The following EPM2A variants were observed in gnomAD, a reference collection of about 807,000 sequenced individuals.
The protein encoded by EPM2A is EPM2A glucan phosphatase, laforin.
Under a neutral mutation model 26.5 loss-of-function variants are expected in EPM2A, and 21 were observed. The ratio of observed to expected loss-of-function variants is 0.79; its 90% confidence interval spans 0.56 to 1.14. The LOEUF is 1.14. EPM2A is among the 50% of genes most tolerant of loss of function. The pLI is 0.00. For missense variants in EPM2A, 458 were observed against 440.8 expected, an observed-to-expected ratio of 1.04 and a Z score of -0.35; for synonymous variants, 217 against 177.6, an observed-to-expected ratio of 1.22 and a Z score of -1.76.
intron 2 of EPM2A, among the ~76,000 whole-genome samples, chr6:145,527,218 T>A (rs1388204643): frequency 1.3e-5 from 2 of 152,142 alleles, no homozygotes; most frequent in Non-Finnish European, 2.9e-5. Context: ...ATGTGGTCAA[T>A]CTTAGAGTAC....
chr6:145,565,646 A>G (rs1780875182), intron 2 of EPM2A, among the ~76,000 whole-genome samples: 1 of 152,176 alleles, frequency 6.6e-6, no homozygotes, highest in South Asian at 2.1e-4. Context: ...CCCAGAAAGG[A>G]AAGTCCTGAG....
At chr6:145,640,427 C>T (rs1475199063) in intron 2 of EPM2A, 1 of 152,098 alleles carries the variant, frequency 6.6e-6, no homozygotes, top group South Asian at 2.1e-4. Flanking sequence ...ATAATGGAAC[C>T]AGCTTTTGTT....
chr6:145,560,931 T>C (rs1053452061), intron 2 of EPM2A, among the ~76,000 whole-genome samples: 2 of 152,154 alleles, frequency 1.3e-5, no homozygotes, highest in South Asian at 4.1e-4. Flanking sequence ...AAAATGTTTC[T>C]ATTGTTACCA....
chr6:145,546,681 C>T (rs913755015), intron 2 of EPM2A, among the ~76,000 whole-genome samples: 1 of 152,110 alleles, frequency 6.6e-6, no homozygotes, highest in Non-Finnish European at 1.5e-5. Flanking sequence ...ATTTTCTTAT[C>T]TCCAGTGTTT....
At chr6:145,478,391 T>C (rs1779567567) in intron 4 of EPM2A, among the ~76,000 whole-genome samples, 1 of 151,864 alleles carries the variant, frequency 6.6e-6, no homozygotes, top group Non-Finnish European at 1.5e-5. Context: ...TCTATCAAAA[T>C]ACCAATGACA....
intron 4 of EPM2A, among the ~76,000 whole-genome samples, chr6:145,493,108 G>A (rs1212319746): frequency 6.6e-6 from 1 of 151,992 alleles, no homozygotes; most frequent in Non-Finnish European, 1.5e-5. Flanking sequence ...TTCCCCACAA[G>A]AGCCAGGGTT....
chr6:145,735,192 C>A lies in EPM2A; in HGVS notation c.301+6G>T. On this transcript the variant is annotated splice_donor_region_variant and intron_variant, in intron 1 of 3. Coordinates refer to ENST00000367519, the MANE Select transcript of EPM2A (RefSeq NM_005670.4). ...TGCGCCGGGGGCAGGCGTCTGCTGG[C>A]AATACCTTCCCAGGAGAGCTCTCCT... is the stretch of plus-strand genomic sequence containing the variant. 1 of 1,503,568 alleles carries A rather than the reference C, an allele frequency of 6.7e-7. No individual in the cohort carries two copies. Among genetic ancestry groups the A allele is most frequent in the Non-Finnish European group, 8.9e-7 (1 of 1,121,472 alleles). 93.1% of individuals were successfully genotyped at this position (1,503,568 alleles called of 1,614,324 possible).
chr6:145,439,989 G>A (rs9373457), intron 4 of EPM2A, among the ~76,000 whole-genome samples: 98,277 of 152,042 alleles, frequency 0.65, 33,495 homozygotes, highest in East Asian at 0.86. Flanking sequence ...AGTTGTTTTT[G>A]TATATGGTTT....
At chr6:145,702,963 T>C (rs886841859) in intron 1 of EPM2A, among the ~76,000 whole-genome samples, 1 of 152,260 alleles carries the variant, frequency 6.6e-6, no homozygotes, top group Non-Finnish European at 1.5e-5. Context: ...AAGAGTTAAC[T>C]TTTATTAATC....
chr6:145,473,549 C>T lies in EPM2A; in HGVS notation c.555+28973G>A, dbSNP rs140782761. Among the ~76,000 whole-genome samples, 285 of 151,762 alleles carry T rather than the reference C, an allele frequency of 1.9e-3. 1 individual carries two copies. Among genetic ancestry groups the T allele is most frequent in the African/African-American group, 6.3e-3 (259 of 41,396 alleles). ...CAAACTGAGAGAAAAATATCAATACCCAAGTACAAGAAGGTTATAGAACAT... is the reference window on the plus strand; with the variant it reads ...CAAACTGAGAGAAAAATATCAATACTCAAGTACAAGAAGGTTATAGAACAT... On this transcript the variant is annotated intron_variant, in intron 4 of 4. Coordinates refer to the EPM2A transcript ENST00000638717.
At chr6:145,531,301 G>C (rs449377) in intron 2 of EPM2A, among the ~76,000 whole-genome samples, 67,787 of 151,840 alleles carry the variant, frequency 0.45, 15,177 homozygotes, top group South Asian at 0.58. Context: ...ATAAATGTTG[G>C]CATCCAATAT....
At chr6:145,691,870 C>T (rs1781301389) in intron 1 of EPM2A, among the ~76,000 whole-genome samples, 1 of 151,824 alleles carries the variant, frequency 6.6e-6, no homozygotes, top group Non-Finnish European at 1.5e-5. Flanking sequence ...AATAAAATGG[C>T]AAACTTAGGC....
At chr6:145,458,568 A>C (rs1375919455) in intron 4 of EPM2A, among the ~76,000 whole-genome samples, 1 of 152,172 alleles carries the variant, frequency 6.6e-6, no homozygotes, top group Non-Finnish European at 1.5e-5. Context: ...GTCTCCCTGT[A>C]GCTGAACCCC....
rs754691516 is a variant in EPM2A, at chr6:145,627,423, C to A, written c.989G>T (p.Ser330Ile). Residue 330 changes from serine to isoleucine, a missense_variant, in exon 4 of 4, where the codon AGC (serine) becomes ATC (isoleucine). Transcript: ENST00000367519. ...CAGAAGCAGGCTGACCAGCTACAGG[C>A]TACACACAGAAGAACGAACCTTCCC... ...KFGKVRSSVCSL is the reference protein window; with the variant it reads ...KFGKVRSSVCIL The A allele has an allele frequency of 3.7e-6, 6 of 1,614,206 alleles. No individual in the cohort carries two copies. Among genetic ancestry groups the A allele is most frequent in the Non-Finnish European group, 4.2e-6 (5 of 1,180,040 alleles).
intron 2 of EPM2A, chr6:145,641,191 A>T (rs1194230588): frequency 6.6e-6 from 1 of 152,112 alleles, no homozygotes; most frequent in South Asian, 2.1e-4. Context: ...CCCCTCCCCA[A>T]ACTCCTATGT....
intron 4 of EPM2A, among the ~76,000 whole-genome samples, chr6:145,386,462 A>T (rs1326714685): frequency 6.6e-6 from 1 of 152,146 alleles, no homozygotes. Flanking sequence ...AAATAGTTCC[A>T]AGAGCTTTGA....
At chr6:145,593,050 A>G (rs933323811) in intron 2 of EPM2A, among the ~76,000 whole-genome samples, 1 of 152,124 alleles carries the variant, frequency 6.6e-6, no homozygotes, top group African/African-American at 2.4e-5. Flanking sequence ...TATACACTGT[A>G]TTCAAGAAAC....
chr6:145,691,207 C>T (rs2128618787), intron 1 of EPM2A, among the ~76,000 whole-genome samples: 1 of 152,058 alleles, frequency 6.6e-6, no homozygotes, highest in Admixed American at 6.6e-5. Context: ...CGAGACATGA[C>T]ATATTTAAAC....
At chr6:145,406,528 T>C (rs1489270496) in intron 4 of EPM2A, among the ~76,000 whole-genome samples, 1 of 152,142 alleles carries the variant, frequency 6.6e-6, no homozygotes, top group Non-Finnish European at 1.5e-5. Flanking sequence ...TGTATATACA[T>C]ACATTATAGT....
Sources: gnomAD v4.1 joint callset for allele counts (sites outside exome capture counted in the v4.1 genomes callset) on GRCh38, gnomAD v4.1.1 for gene constraint, MANE v1.5 for transcripts, NCBI Gene and HGNC (gene_info 2026-07-23, HGNC 2026-07-21) for gene names.